Variants in RELN observed in about 807,000 individuals in gnomAD.
RELN encodes the protein reelin.
RELN carries 108 observed loss-of-function variants against 427.6 expected under a neutral mutation model. That is an observed-to-expected ratio of 0.25 (90% CI 0.22 to 0.30). The LOEUF (loss-of-function observed/expected upper bound fraction) is 0.30, where lower values mean the gene tolerates loss of function less well. Ranked by LOEUF, RELN falls within the 10% of genes least tolerant of loss-of-function variation. The pLI is 1.00. For missense variants in RELN, 3,715 were observed against 4,302.8 expected, an observed-to-expected ratio of 0.86 and a Z score of 3.82; for synonymous variants, 1,524 against 1,513.4, an observed-to-expected ratio of 1.01 and a Z score of -0.16.
At chr7:103,588,660 C>A (rs1036243578) in intron 28 of RELN, among the ~76,000 whole-genome samples, 1 of 152,134 alleles carries the variant, frequency 6.6e-6, no homozygotes, top group Non-Finnish European at 1.5e-5. Context: ...CAGAAAATTG[C>A]TTAATTGCAA....
intron 11 of RELN, among the ~76,000 whole-genome samples, chr7:103,669,783 G>A (rs1003962401): frequency 4.0e-5 from 6 of 151,706 alleles, no homozygotes; most frequent in Non-Finnish European, 8.8e-5. Flanking sequence ...TGCATTTGAA[G>A]GAATGTCTGC....
At position 103,510,923 on chromosome 7, in the gene RELN, A is replaced by G. The variant is rs756304815; in HGVS notation, c.8202T>C (p.Ser2734=). 1.2e-6 allele frequency: 2 copies of G among 1,613,064 alleles called. No homozygotes were observed. The highest frequency in any genetic ancestry group is 2.7e-5 in the African/African-American group (2 of 74,920). The stretch of plus-strand genomic sequence containing the variant: ...CTGCATACACCTCCCGTCCATCATG[A>G]CTGCCACAGAGCATCACACCATCAG... ...DSPDGVMLCG[S]HDGREVYAVT... is the part of the protein sequence containing the mutation. The change falls in exon 51 of 65, where the codon AGT becomes AGC. Residue 2734 remains serine, a synonymous_variant. Transcript: ENST00000428762.
chr7:103,882,515 T>C (rs1385265114), intron 2 of RELN, among the ~76,000 whole-genome samples: 1 of 152,152 alleles, frequency 6.6e-6, no homozygotes, highest in Non-Finnish European at 1.5e-5. Context: ...GCCTGCTGGT[T>C]TTTTTGAAAA....
intron 54 of RELN, 36 bp downstream of exon 54, chr7:103,498,041 G>A: frequency 6.2e-7 from 1 of 1,607,730 alleles, no homozygotes; most frequent in Non-Finnish European, 8.5e-7. Context: ...AATTTGCTAT[G>A]GTGCAATAGA....
rs1382454660 is a variant in RELN, at chr7:103,510,835, G to GATC, written c.8274+13_8274+15dup. Reference sequence around the variant, plus strand: ...AATGTATGGTTGTTTATATAATCAAGATCATAACATTTCACCTTGAATTGC... The same window carrying GATC: ...AATGTATGGTTGTTTATATAATCAAGATCATCATAACATTTCACCTTGAATTGC... On this transcript the variant is annotated intron_variant, in intron 51 of 64. Transcript: ENST00000428762. The GATC allele has an allele frequency of 6.2e-7, 1 of 1,601,610 alleles. No individual in the cohort carries two copies. Among genetic ancestry groups the GATC allele is most frequent in the Non-Finnish European group, 8.6e-7 (1 of 1,169,054 alleles).
chr7:103,884,930 G>GT (rs1794688924), intron 2 of RELN, among the ~76,000 whole-genome samples: 1 of 151,998 alleles, frequency 6.6e-6, no homozygotes, highest in African/African-American at 2.4e-5. Flanking sequence ...CCCATCACTC[G>GT]GTATATACCC....
At chr7:103,483,114 T>C in intron 62 of RELN, 143 bp from the exon 63 acceptor site, 1 of 735,686 alleles carries the variant, frequency 1.4e-6, no homozygotes, top group South Asian at 1.5e-5. Flanking sequence ...GCTTAGGTCA[T>C]AGTATTCTTC....
chr7:103,581,202 T>C (rs1350452873), intron 28 of RELN, among the ~76,000 whole-genome samples: 1 of 152,212 alleles, frequency 6.6e-6, no homozygotes, highest in Non-Finnish European at 1.5e-5. Context: ...GTTCTTGTCC[T>C]GGACATCGTT....
chr7:103,883,468 G>A (rs752986667), intron 2 of RELN, among the ~76,000 whole-genome samples: 22 of 152,258 alleles, frequency 1.4e-4, no homozygotes, highest in Non-Finnish European at 2.5e-4. Context: ...AGGGGTGTTC[G>A]AATAGGAAAA....
intron 4 of RELN, among the ~76,000 whole-genome samples, chr7:103,765,188 G>C (rs1791399180): frequency 6.6e-6 from 1 of 152,222 alleles, no homozygotes; most frequent in Non-Finnish European, 1.5e-5. Flanking sequence ...AAGCACAGAG[G>C]AGGAGGTGGC....
At chr7:103,826,710 G>A (rs2116388625) in intron 3 of RELN, among the ~76,000 whole-genome samples, 1 of 151,988 alleles carries the variant, frequency 6.6e-6, no homozygotes, top group East Asian at 1.9e-4. Context: ...CAAATCTCTG[G>A]CCATACCTCA....
intron 20 of RELN, among the ~76,000 whole-genome samples, chr7:103,616,087 T>A (rs1353942329): frequency 3.3e-5 from 5 of 152,190 alleles, no homozygotes; most frequent in Admixed American, 3.3e-4. Flanking sequence ...AAGAGCGGTT[T>A]AGTATATAAG....
rs762107181 is a variant in RELN, at chr7:103,515,238, G to A, written c.8066C>T (p.Ala2689Val). The change falls in exon 50 of 65, where the codon GCC (alanine) becomes GTC (valine). Residue 2689 changes from alanine to valine, a missense_variant. Physicochemically the swap from Ala to Val is moderately conservative, Grantham distance 64 (BLOSUM62 0). Coordinates refer to ENST00000428762, the MANE Select transcript of RELN (RefSeq NM_005045.4). Reference protein sequence around the residue: ...VPQHERSPADAGPVGRIAFDM... With the variant: ...VPQHERSPADVGPVGRIAFDM... ...AAAGGCGATCCTCCCGACAGGGCCGGCATCTGCAGGGGAGCGCTCATGCTG... is the reference window on the plus strand; with the variant it reads ...AAAGGCGATCCTCCCGACAGGGCCGACATCTGCAGGGGAGCGCTCATGCTG... 5.0e-6 allele frequency: 8 copies of A among 1,614,190 alleles called. No individual in the cohort carries two copies. Among genetic ancestry groups the A allele is most frequent in the Admixed American group, 1.7e-5 (1 of 60,020 alleles).
intron 1 of RELN, among the ~76,000 whole-genome samples, chr7:103,934,629 C>G (rs1307900444): frequency 6.6e-6 from 1 of 152,178 alleles, no homozygotes. Flanking sequence ...CACTGATAGA[C>G]AATGAATAGC....
intron 1 of RELN, among the ~76,000 whole-genome samples, chr7:103,941,326 T>C (rs1796109698): frequency 6.6e-6 from 1 of 152,208 alleles, no homozygotes; most frequent in South Asian, 2.1e-4. Context: ...TAAGTGAACT[T>C]ATTAAGACAA....
At position 103,989,248 on chromosome 7, in the gene RELN, A is replaced by T. The variant is rs1797170618; in HGVS notation, c.109T>A (p.Phe37Ile). ...TCCCCGTGGTGGGTGCACAGGAAAA[A>T]GAAGGGCGAAAAGCGGGGGTAATAG... Reference protein sequence around the residue: ...AGYYPRFSPFFFLCTHHGELE... With the variant: ...AGYYPRFSPFIFLCTHHGELE... Residue 37 changes from phenylalanine (F) to isoleucine (I), a missense_variant, in exon 1 of 65, where the codon TTT (phenylalanine) becomes ATT (isoleucine). This residue lies in a region of RELN where 2,208 missense variants were observed against 2,361.7 expected (regional missense o/e 0.93). Coordinates refer to ENST00000428762, the MANE Select transcript of RELN (RefSeq NM_005045.4). The surrounding 1 kb of genome is among the most constrained non-coding windows in gnomAD (Gnocchi z 4.9). The T allele has an allele frequency of 6.2e-7, 1 of 1,613,988 alleles. No individual in the cohort carries two copies. Among genetic ancestry groups the T allele is most frequent in the Non-Finnish European group, 8.5e-7 (1 of 1,179,968 alleles).
chr7:103,853,539 G>A (rs1793873776), intron 2 of RELN, among the ~76,000 whole-genome samples: 1 of 151,754 alleles, frequency 6.6e-6, no homozygotes, highest in Non-Finnish European at 1.5e-5. Flanking sequence ...TGGCAAACCT[G>A]ACATCATTTC....
intron 24 of RELN, among the ~76,000 whole-genome samples, chr7:103,599,617 C>T (rs923947789): frequency 6.6e-6 from 1 of 152,006 alleles, no homozygotes; most frequent in Non-Finnish European, 1.5e-5. Context: ...GAGAGGAATT[C>T]TAAGAAAAGA....
At chr7:103,502,421 A>C (rs935625737) in intron 52 of RELN, among the ~76,000 whole-genome samples, 16 of 152,354 alleles carry the variant, frequency 1.1e-4, no homozygotes, top group Middle Eastern at 3.4e-3. Flanking sequence ...TTACTTTTAA[A>C]GTAGAAGAGA....
Sources: allele counts gnomAD v4.1 joint callset (sites outside exome capture counted in the v4.1 genomes callset), GRCh38; gene constraint gnomAD v4.1.1; regional missense constraint gnomAD v4.1.1; non-coding constraint Gnocchi (gnomAD v3.1); transcripts MANE v1.5; gene names NCBI Gene and HGNC (gene_info 2026-07-23, HGNC 2026-07-21).